Variants in MPPED2 observed in about 807,000 individuals in gnomAD.
The protein encoded by MPPED2 is metallophosphoesterase domain containing 2, also known as metallophosphoesterase MPPED2.
A neutral mutation model predicts 33.0 loss-of-function variants in MPPED2; 5 were observed. That is an observed-to-expected ratio of 0.15 (90% CI 0.08 to 0.32). MPPED2 has a LOEUF of 0.32. Among genes scored for constraint, MPPED2 ranks in the 10% least tolerant of loss-of-function variants. The pLI is 1.00. For missense variants in MPPED2, 275 were observed against 372.1 expected, an observed-to-expected ratio of 0.74 and a Z score of 2.15; for synonymous variants, 136 against 141.9, an observed-to-expected ratio of 0.96 and a Z score of 0.29.
chr11:30,540,409 G>C (rs1480604348), intron 2 of MPPED2, among the ~76,000 whole-genome samples: 1 of 152,040 alleles, frequency 6.6e-6, no homozygotes, highest in African/African-American at 2.4e-5. Flanking sequence ...CAGTAAAACA[G>C]ATATAAATAT....
At chr11:30,554,290 C>T (rs1046328726) in intron 2 of MPPED2, among the ~76,000 whole-genome samples, 2 of 152,154 alleles carry the variant, frequency 1.3e-5, no homozygotes, top group African/African-American at 4.8e-5. Context: ...TTCTGCTTGT[C>T]TGCCACTGCT....
chr11:30,575,519 G>A lies in MPPED2; in HGVS notation c.128+4727C>T, dbSNP rs372409051. ...CAGGATCAGTATTTGTATACAGATC[G>A]CTGATTTCAGACCATATTCTCAGCT... On this transcript the variant is annotated intron_variant, in intron 2 of 6. Transcript: ENST00000358117. Among the ~76,000 whole-genome samples, 232 of 152,278 alleles carry A rather than the reference G, an allele frequency of 1.5e-3. 2 individuals are homozygous for A. Among genetic ancestry groups the A allele is most frequent in the African/African-American group, 4.9e-3 (203 of 41,564 alleles).
chr11:30,558,756 C>T (rs1431910676), intron 2 of MPPED2, among the ~76,000 whole-genome samples: 1 of 151,818 alleles, frequency 6.6e-6, no homozygotes, highest in East Asian at 1.9e-4. Context: ...TTTTCTCCCT[C>T]CCTCTTTCCT....
rs560537416 is a variant in MPPED2, at chr11:30,491,517, A to G, written c.536+3779T>C. On this transcript the variant is annotated intron_variant, in intron 4 of 6. Transcript: ENST00000358117. ...CATTAACACATCACTATTAGTAGTA[A>G]TAGCTAACATTTATCAAATGCTTAC... Among the ~76,000 whole-genome samples the G allele has an allele frequency of 3.3e-5, 5 of 152,362 alleles. 1 individual carries two copies. The East Asian group carries it at 9.6e-4, about 29-fold the overall frequency.
At chr11:30,506,917 A>T (rs1952852802) in intron 3 of MPPED2, among the ~76,000 whole-genome samples, 2 of 152,256 alleles carry the variant, frequency 1.3e-5, no homozygotes, top group Admixed American at 1.3e-4. Flanking sequence ...GTGGAAATAA[A>T]ATCTCTGCGT....
intron 2 of MPPED2, among the ~76,000 whole-genome samples, chr11:30,570,256 A>G (rs1201210744): frequency 6.6e-6 from 1 of 152,074 alleles, no homozygotes; most frequent in African/African-American, 2.4e-5. Context: ...CCGTAACCTC[A>G]TATGAAAGAA....
chr11:30,504,750 C>A (rs1401604306), intron 3 of MPPED2: 2 of 1,285,214 alleles, frequency 1.6e-6, no homozygotes, highest in Non-Finnish European at 2.0e-6. Context: ...GCTGATGGAG[C>A]CACACAGCAG....
At chr11:30,564,239 A>T (rs1464540352) in intron 2 of MPPED2, among the ~76,000 whole-genome samples, 1 of 152,094 alleles carries the variant, frequency 6.6e-6, no homozygotes, top group Non-Finnish European at 1.5e-5. Flanking sequence ...CTCAGCTTTC[A>T]TGTATATCTA....
intron 2 of MPPED2, among the ~76,000 whole-genome samples, chr11:30,551,793 A>C (rs775755068): frequency 1.3e-5 from 2 of 152,236 alleles, no homozygotes; most frequent in Non-Finnish European, 2.9e-5. Flanking sequence ...CCTCTGGAAT[A>C]TGGGCAAGTT....
chr11:30,522,387 TACACACACACACACAC>T (rs60549510), intron 3 of MPPED2, among the ~76,000 whole-genome samples: 1 of 146,282 alleles, frequency 6.8e-6, no homozygotes, highest in Admixed American at 6.9e-5. Flanking sequence ...CAGGAAAACA[TACACACACACACACAC>T]ACACACACAC....
At chr11:30,512,606 C>A (rs554903321) in intron 3 of MPPED2, among the ~76,000 whole-genome samples, 1 of 152,282 alleles carries the variant, frequency 6.6e-6, no homozygotes, top group African/African-American at 2.4e-5. Context: ...GCCCCAGAAC[C>A]GGGATTGTAC....
intron 3 of MPPED2, among the ~76,000 whole-genome samples, chr11:30,528,488 C>A (rs975255592): frequency 6.6e-6 from 1 of 152,120 alleles, no homozygotes; most frequent in Non-Finnish European, 1.5e-5. Context: ...AAACTCCTGA[C>A]CTCAAGTGAT....
Position 30,468,246 on chromosome 11 carries a change from ACACACACACACTCTCTCT to A in MPPED2, c.536+27032_536+27049del, listed in dbSNP as rs1950799020. 2.8e-5 allele frequency among the ~76,000 whole-genome samples: 3 copies of A among 106,324 alleles called. No homozygotes were observed. The South Asian group carries it at 8.1e-4, about 29-fold the overall frequency. The allele number at this position is 106,324 out of a possible 152,430, so 69.8% of individuals were successfully genotyped here. A position where few individuals can be genotyped will look rare whatever the true frequency, so the allele number is the denominator to read the frequency against. On this transcript the variant is annotated intron_variant, in intron 4 of 6. Coordinates refer to ENST00000358117, the MANE Select transcript of MPPED2 (RefSeq NM_001584.3). Reference sequence around the variant, plus strand: ...GCATACTATACACACACACACACACACACACACACACTCTCTCTCTCTCTCTCTCTCTCTTTCAATATG... The same window carrying A: ...GCATACTATACACACACACACACACACTCTCTCTCTCTCTCTTTCAATATG...
At chr11:30,525,119 C>T (rs1410938092) in intron 3 of MPPED2, among the ~76,000 whole-genome samples, 1 of 152,212 alleles carries the variant, frequency 6.6e-6, no homozygotes, top group Admixed American at 6.5e-5. Context: ...TCTTTGAACT[C>T]TCTGAGTTCT....
At chr11:30,394,059 A>C (rs1285429194) in intron 6 of MPPED2, among the ~76,000 whole-genome samples, 1 of 152,218 alleles carries the variant, frequency 6.6e-6, no homozygotes, top group Non-Finnish European at 1.5e-5. Flanking sequence ...TTCACTCAGC[A>C]TAATGTCTTT....
intron 3 of MPPED2, among the ~76,000 whole-genome samples, chr11:30,535,652 A>G (rs1954770190): frequency 6.6e-6 from 1 of 152,096 alleles, no homozygotes; most frequent in Admixed American, 6.6e-5. Context: ...CTGGGGAAAA[A>G]AAGATTGCAG....
At position 30,536,253 on chromosome 11, in the gene MPPED2, T is replaced by G. The variant is rs1421334168; in HGVS notation, c.129-78A>C. 5 of 1,270,882 alleles carry G rather than the reference T, an allele frequency of 3.9e-6. No individual in the cohort carries two copies. The East Asian group carries it at 1.3e-4, about 34-fold the overall frequency. The allele number at this position is 1,270,882 out of a possible 1,614,324, so 78.7% of individuals were successfully genotyped here. A position where few individuals can be genotyped will look rare whatever the true frequency, so the allele number is the denominator to read the frequency against. On this transcript the variant is annotated intron_variant, in intron 2 of 6. Transcript: ENST00000358117. Reference sequence around the variant, plus strand: ...AATTGTCGTCGCACATACATATTTATTATTATTCGTGAATGCACCCAGACA... The same window carrying G: ...AATTGTCGTCGCACATACATATTTAGTATTATTCGTGAATGCACCCAGACA...
chr11:30,528,096 T>C (rs1954302381), intron 3 of MPPED2, among the ~76,000 whole-genome samples: 1 of 152,014 alleles, frequency 6.6e-6, no homozygotes, highest in African/African-American at 2.4e-5. Flanking sequence ...AATCCAATAC[T>C]CATGCTTGTA....
chr11:30,403,462 A>G (rs372520111), intron 6 of MPPED2, among the ~76,000 whole-genome samples: 6 of 152,226 alleles, frequency 3.9e-5, no homozygotes, highest in African/African-American at 1.4e-4. Flanking sequence ...TTGTTCCTAC[A>G]GAATTGATTT....
Sources: allele counts gnomAD v4.1 joint callset (sites outside exome capture counted in the v4.1 genomes callset), GRCh38; gene constraint gnomAD v4.1.1; transcripts MANE v1.5; gene names NCBI Gene and HGNC (gene_info 2026-07-23, HGNC 2026-07-21).